MCPH1: variants seen among roughly 807,000 people sequenced by gnomAD.
The protein encoded by MCPH1 is microcephalin 1, also known as microcephalin.
In MCPH1, 104 loss-of-function variants were observed where a neutral mutation model predicts 84.5. That is an observed-to-expected ratio of 1.23 (90% CI 1.05 to 1.45). The LOEUF (loss-of-function observed/expected upper bound fraction) is 1.45, where lower values mean the gene tolerates loss of function less well. Among genes scored for constraint, MCPH1 ranks in the 40% most tolerant of loss-of-function variants. The pLI is 0.00. For synonymous variants in MCPH1, 514 were observed against 366.8 expected (o/e 1.40, Z -4.58); for missense variants, 1,498 against 1,005.7 (o/e 1.49, Z -6.62).
At chr8:6,468,037 A>G (rs894515730) in intron 9 of MCPH1, among the ~76,000 whole-genome samples, 12 of 152,314 alleles carry the variant, frequency 7.9e-5, no homozygotes, top group Middle Eastern at 3.4e-3. Context: ...GTTTGGGGTT[A>G]TACTTAGAGT....
At position 6,444,486 on chromosome 8, in the gene MCPH1, T is replaced by C; in HGVS notation, c.764T>C (p.Ile255Thr). The C allele has an allele frequency of 6.2e-7, 1 of 1,614,184 alleles. No individual in the cohort carries two copies. Among genetic ancestry groups the C allele is most frequent in the Non-Finnish European group, 8.5e-7 (1 of 1,180,030 alleles). The change falls in exon 8 of 14, where the codon ATT becomes ACT. Residue 255 changes from isoleucine to threonine, a missense_variant. Coordinates refer to ENST00000344683, the MANE Select transcript of MCPH1 (RefSeq NM_024596.5). ...CAGGAAAGGAAGTTGGAAGGATCCATTAATGACATTAAAAGTGATGTGTGT... is the reference window on the plus strand; with the variant it reads ...CAGGAAAGGAAGTTGGAAGGATCCACTAATGACATTAAAAGTGATGTGTGT... ...GNQERKLEGSINDIKSDVCIS... is the reference protein window; with the variant it reads ...GNQERKLEGSTNDIKSDVCIS...
At chr8:6,581,575 T>G (rs966476469) in intron 12 of MCPH1, among the ~76,000 whole-genome samples, 2 of 152,262 alleles carry the variant, frequency 1.3e-5, no homozygotes. Context: ...TTTACAATAC[T>G]AGTATTCTTA....
chr8:6,511,830 T>C (rs1815173643), intron 12 of MCPH1, among the ~76,000 whole-genome samples: 1 of 152,168 alleles, frequency 6.6e-6, no homozygotes, highest in South Asian at 2.1e-4. Context: ...AATGTCAGCG[T>C]ACAAGGGTAA....
chr8:6,544,891 A>T (rs1822278088), intron 12 of MCPH1, among the ~76,000 whole-genome samples: 1 of 152,214 alleles, frequency 6.6e-6, no homozygotes, highest in African/African-American at 2.4e-5. Context: ...TGCTAACATC[A>T]GATTCTTTGG....
Position 6,489,063 on chromosome 8 carries a change from G to A in MCPH1, c.2136+8187G>A, listed in dbSNP as rs186803304. On this transcript the variant is annotated intron_variant, in intron 11 of 13. Coordinates refer to ENST00000344683, the MANE Select transcript of MCPH1 (RefSeq NM_024596.5). Reference sequence around the variant, plus strand: ...CATTTGCAGAGTTAGGGAATTCTGGGGCAGAAGATTGTGTGCAAGGTTTGG... The same window carrying A: ...CATTTGCAGAGTTAGGGAATTCTGGAGCAGAAGATTGTGTGCAAGGTTTGG... Among the ~76,000 whole-genome samples the A allele has an allele frequency of 3.3e-5, 5 of 152,150 alleles. No homozygotes were observed. The East Asian group carries it at 9.7e-4, about 29-fold the overall frequency.
intron 1 of MCPH1, among the ~76,000 whole-genome samples, chr8:6,408,165 G>T (rs1389341421): frequency 6.6e-6 from 1 of 152,194 alleles, no homozygotes; most frequent in African/African-American, 2.4e-5. Flanking sequence ...TGTATTGTAT[G>T]GGTACAGTTG....
intron 12 of MCPH1, among the ~76,000 whole-genome samples, chr8:6,601,384 G>A (rs1165507572): frequency 6.6e-6 from 1 of 152,032 alleles, no homozygotes; most frequent in Admixed American, 6.6e-5. Flanking sequence ...CTTCCGTCCA[G>A]CCACCTGGTT....
At chr8:6,521,940 C>T (rs1225078202) in intron 12 of MCPH1, among the ~76,000 whole-genome samples, 2 of 152,202 alleles carry the variant, frequency 1.3e-5, no homozygotes, top group South Asian at 2.1e-4. Flanking sequence ...CAAGTACTGG[C>T]TTACCAGCCC....
chr8:6,466,988 C>G (rs1039230853), intron 9 of MCPH1, among the ~76,000 whole-genome samples: 2 of 151,862 alleles, frequency 1.3e-5, no homozygotes, highest in African/African-American at 4.8e-5. Flanking sequence ...GATATTAATC[C>G]AGGGTAATTT....
chr8:6,605,462 C>G (rs996177500), intron 12 of MCPH1, among the ~76,000 whole-genome samples: 2 of 152,190 alleles, frequency 1.3e-5, no homozygotes. Context: ...ACCAAAGACT[C>G]CGCAGCAAAT....
rs1799890594 is a variant in MCPH1 at position 6,419,740 on chromosome 8, C to T, written c.233+4857C>T. 2.6e-5 allele frequency among the ~76,000 whole-genome samples: 4 copies of T among 151,962 alleles called. 1 individual carries two copies. The South Asian group carries it at 8.3e-4, about 32-fold the overall frequency. On this transcript the variant is annotated intron_variant, in intron 3 of 13. Transcript: ENST00000344683. ...GTAGGCCAGGCTGGGCTCAAGTGAT[C>T]CACTCACTCCAGCCTCTCAAAGTGC...
chr8:6,547,910 ACT>A (rs1272419468), intron 12 of MCPH1, among the ~76,000 whole-genome samples: 2 of 147,650 alleles, frequency 1.4e-5, no homozygotes, highest in East Asian at 2.0e-4. Context: ...TTTAACCAAA[ACT>A]CACTGTGGTT....
intron 12 of MCPH1, among the ~76,000 whole-genome samples, chr8:6,582,159 C>T (rs1194957471): frequency 6.6e-6 from 1 of 152,178 alleles, no homozygotes; most frequent in African/African-American, 2.4e-5. Flanking sequence ...TCTCAAGCTG[C>T]CTTCACATCT....
intron 13 of MCPH1, chr8:6,626,673 A>G: frequency 1.0e-6 from 1 of 985,024 alleles, no homozygotes; most frequent in Non-Finnish European, 1.2e-6. Flanking sequence ...CATGACATAT[A>G]ATTCCCATTT....
intron 13 of MCPH1, among the ~76,000 whole-genome samples, chr8:6,637,063 G>A (rs1158355224): frequency 1.3e-5 from 2 of 152,182 alleles, no homozygotes; most frequent in African/African-American, 4.8e-5. Flanking sequence ...ATTAGACTGG[G>A]CTACTTTCTT....
intron 12 of MCPH1, among the ~76,000 whole-genome samples, chr8:6,513,449 C>T (rs984568973): frequency 6.6e-6 from 1 of 151,804 alleles, no homozygotes; most frequent in Non-Finnish European, 1.5e-5. Context: ...TCTTCTGCCT[C>T]AGCCTCCCGA....
At chr8:6,506,195 A>G (rs563979396) in intron 12 of MCPH1, among the ~76,000 whole-genome samples, 2 of 152,100 alleles carry the variant, frequency 1.3e-5, no homozygotes, top group South Asian at 4.2e-4. Context: ...TCCTTCACAT[A>G]TTCAGGACTT....
chr8:6,547,535 T>G (rs1341333353), intron 12 of MCPH1, among the ~76,000 whole-genome samples: 2 of 152,214 alleles, frequency 1.3e-5, no homozygotes, highest in African/African-American at 4.8e-5. Flanking sequence ...CCAGAGATGT[T>G]TCTCTGTTTA....
intron 5 of MCPH1, among the ~76,000 whole-genome samples, chr8:6,438,076 C>G (rs180826798): frequency 2.0e-5 from 3 of 152,328 alleles, no homozygotes; most frequent in East Asian, 3.9e-4. Flanking sequence ...GATCTGGCCT[C>G]TCTTTCTAGC....
Sources: allele counts gnomAD v4.1 joint callset (sites outside exome capture counted in the v4.1 genomes callset), GRCh38; gene constraint gnomAD v4.1.1; transcripts MANE v1.5; gene names NCBI Gene and HGNC (gene_info 2026-07-23, HGNC 2026-07-21).